OTUD7A: variants seen among roughly 807,000 people sequenced by gnomAD.
OTUD7A encodes OTU domain-containing protein 7A.
In OTUD7A, 12 loss-of-function variants were observed where a neutral mutation model predicts 65.7. That is an observed-to-expected ratio of 0.18 (90% CI 0.12 to 0.30). The LOEUF (loss-of-function observed/expected upper bound fraction) is 0.30. Ranked by LOEUF, OTUD7A falls within the 10% of genes least tolerant of loss-of-function variation. The probability of loss-of-function intolerance (pLI) is 1.00; values close to 1 mark genes in which losing one functional copy is unlikely to be tolerated. For missense variants in OTUD7A, 1,148 were observed against 1,304.8 expected (o/e 0.88, Z 1.85); for synonymous variants, 641 against 586.3 (o/e 1.09, Z -1.35).
Position 31,802,700 on chromosome 15 carries a change from C to T in OTUD7A, c.-100+67807G>A, listed in dbSNP as rs138238296. On this transcript the variant is annotated intron_variant, in intron 1 of 12. Coordinates refer to ENST00000307050, the MANE Select transcript of OTUD7A (RefSeq NM_001382637.1). Reference sequence around the variant, plus strand: ...GTGGGATTAAGAACGCTTTGAGGTACATTTAACATCTCACATCTTTTTTAA... The same window carrying T: ...GTGGGATTAAGAACGCTTTGAGGTATATTTAACATCTCACATCTTTTTTAA... Among the ~76,000 whole-genome samples the T allele has an allele frequency of 6.5e-3, 983 of 152,284 alleles. 12 individuals carry two copies. The highest frequency in any genetic ancestry group is 0.023 in the African/African-American group (951 of 41,544).
Position 31,484,414 on chromosome 15 carries a change from C to A in OTUD7A, c.1682G>T (p.Gly561Val). ...GRANSANGKNGDSAERGKEKK... is the reference protein window; with the variant it reads ...GRANSANGKNVDSAERGKEKK... ...CTCCTTGCCCCGCTCGGCCGAGTCCCCGTTCTTGCCATTGGCGGAGTTGGC... is the reference window on the plus strand; with the variant it reads ...CTCCTTGCCCCGCTCGGCCGAGTCCACGTTCTTGCCATTGGCGGAGTTGGC... The change falls in exon 13 of 13, where the codon GGG (glycine) becomes GTG (valine). Residue 561 changes from glycine to valine, a missense_variant. By Grantham distance (109) the Gly-to-Val change is moderately radical. Transcript: ENST00000307050. The surrounding 1 kb of genome is among the most constrained non-coding windows in gnomAD (Gnocchi z 4.5). 1 of 1,602,202 alleles carries A rather than the reference C, an allele frequency of 6.2e-7. No individual in the cohort carries two copies. Among genetic ancestry groups the A allele is most frequent in the Non-Finnish European group, 8.5e-7 (1 of 1,179,858 alleles).
At chr15:31,846,264 T>C (rs984377813) in intron 1 of OTUD7A, among the ~76,000 whole-genome samples, 2 of 152,174 alleles carry the variant, frequency 1.3e-5, no homozygotes, top group Non-Finnish European at 2.9e-5. Flanking sequence ...TTCCACCAGA[T>C]GGGTAAGTTG....
intron 3 of OTUD7A, among the ~76,000 whole-genome samples, chr15:31,649,360 C>T (rs929350290): frequency 3.3e-5 from 5 of 152,160 alleles, no homozygotes; most frequent in African/African-American, 1.2e-4. Context: ...CTCTTATTGG[C>T]CTCCCTCTGC....
rs117910792 is a variant in OTUD7A at position 31,563,561 on chromosome 15, C to T, written c.332-4374G>A. On this transcript the variant is annotated intron_variant, in intron 4 of 12. Transcript: ENST00000307050. ...CCTGCCTTTCCTCTCCCCAGCATGGCTCCAGCATGGCCTGCCTTCCCTATC... is the reference window on the plus strand; with the variant it reads ...CCTGCCTTTCCTCTCCCCAGCATGGTTCCAGCATGGCCTGCCTTCCCTATC... Among the ~76,000 whole-genome samples, 113 of 152,332 alleles carry T rather than the reference C, an allele frequency of 7.4e-4. 1 individual carries two copies. In the East Asian group the frequency reaches 0.018, roughly 24 times the overall value.
At chr15:31,592,844 C>T (rs569176818) in intron 3 of OTUD7A, among the ~76,000 whole-genome samples, 9 of 125,598 alleles carry the variant, frequency 7.2e-5, no homozygotes, top group East Asian at 7.0e-4. Flanking sequence ...CGTGCCCCTG[C>T]GCTCCAGCCT....
intron 4 of OTUD7A, among the ~76,000 whole-genome samples, chr15:31,559,749 T>C (rs191497108): frequency 6.6e-6 from 1 of 152,096 alleles, no homozygotes; most frequent in Non-Finnish European, 1.5e-5. Flanking sequence ...ATAGATGTAT[T>C]TGCACACACA....
intron 3 of OTUD7A, among the ~76,000 whole-genome samples, chr15:31,590,762 G>A (rs1566933987): frequency 6.6e-6 from 1 of 152,246 alleles, no homozygotes; most frequent in South Asian, 2.1e-4. Context: ...TATGGTAAAA[G>A]CGTTTTCATG....
chr15:31,748,733 T>C (rs762688997), intron 1 of OTUD7A, among the ~76,000 whole-genome samples: 6 of 152,152 alleles, frequency 3.9e-5, no homozygotes, highest in Non-Finnish European at 8.8e-5. Flanking sequence ...TATTACTCAA[T>C]GGAAATACAT....
intron 3 of OTUD7A, among the ~76,000 whole-genome samples, chr15:31,606,642 G>A (rs1270186757): frequency 6.6e-6 from 1 of 152,164 alleles, no homozygotes; most frequent in Non-Finnish European, 1.5e-5. Flanking sequence ...ACACTACAAA[G>A]CTGATGTCAA....
chr15:31,687,936 C>T (rs1892875447), intron 1 of OTUD7A, among the ~76,000 whole-genome samples: 1 of 152,180 alleles, frequency 6.6e-6, no homozygotes, highest in South Asian at 2.1e-4. Context: ...ACTTTACAGG[C>T]TGGACGTGGT....
chr15:31,575,975 G>A (rs1889192168), intron 3 of OTUD7A, among the ~76,000 whole-genome samples: 2 of 152,120 alleles, frequency 1.3e-5, no homozygotes, highest in Admixed American at 1.3e-4. Context: ...CAACTAAAAT[G>A]ATAAAGTACT....
At chr15:31,768,240 G>C (rs1895140536) in intron 1 of OTUD7A, 1 of 883,352 alleles carries the variant, frequency 1.1e-6, no homozygotes, top group Admixed American at 1.7e-5. Context: ...GGCAGTGTAG[G>C]TGACACTCAA....
Position 31,659,791 on chromosome 15 carries a change from G to A in OTUD7A, c.-99-2714C>T, listed in dbSNP as rs181866905. Among the ~76,000 whole-genome samples, 735 of 152,024 alleles carry A rather than the reference G, an allele frequency of 4.8e-3. 5 individuals carry two copies. Among genetic ancestry groups the A allele is most frequent in the Middle Eastern group, 0.01 (3 of 294 alleles). On this transcript the variant is annotated intron_variant, in intron 1 of 12. Coordinates refer to ENST00000307050, the MANE Select transcript of OTUD7A (RefSeq NM_001382637.1). Reference sequence around the variant, plus strand: ...ACAAGTGAGTGGGGAGTGGGAGCTCGCTCTCATCAGGTCTGTTTGATGATA... The same window carrying A: ...ACAAGTGAGTGGGGAGTGGGAGCTCACTCTCATCAGGTCTGTTTGATGATA...
At chr15:31,741,329 T>A (rs560769542) in intron 1 of OTUD7A, among the ~76,000 whole-genome samples, 62 of 152,282 alleles carry the variant, frequency 4.1e-4, no homozygotes, top group East Asian at 1.2e-3. Flanking sequence ...CATAATTTTT[T>A]AAAAAAATTT....
At chr15:31,635,307 C>T (rs1891305870) in intron 3 of OTUD7A, among the ~76,000 whole-genome samples, 1 of 152,218 alleles carries the variant, frequency 6.6e-6, no homozygotes, top group African/African-American at 2.4e-5. Context: ...ACCTACAGGT[C>T]ACCTTGCTCA....
At chr15:31,592,029 A>AC (rs1889740417) in intron 3 of OTUD7A, among the ~76,000 whole-genome samples, 2 of 152,226 alleles carry the variant, frequency 1.3e-5, no homozygotes, top group African/African-American at 4.8e-5. Flanking sequence ...AAAATATGGT[A>AC]TAAAAAATAA....
chr15:31,621,098 G>A (rs1345601205), intron 3 of OTUD7A, among the ~76,000 whole-genome samples: 1 of 151,360 alleles, frequency 6.6e-6, no homozygotes, highest in Non-Finnish European at 1.5e-5. Flanking sequence ...TCTTAGTCCT[G>A]AGTACTAGTT....
intron 5 of OTUD7A, among the ~76,000 whole-genome samples, chr15:31,537,050 AT>A (rs1336745661): frequency 1.3e-5 from 2 of 152,214 alleles, no homozygotes; most frequent in African/African-American, 4.8e-5. Flanking sequence ...ACAAATAAAA[AT>A]ATCTAATTTT....
intron 1 of OTUD7A, among the ~76,000 whole-genome samples, chr15:31,746,792 G>A (rs923542994): frequency 3.3e-5 from 5 of 152,126 alleles, no homozygotes; most frequent in African/African-American, 2.4e-5. Flanking sequence ...CACCAGGCCC[G>A]GCCTACCTGA....
Sources: allele counts gnomAD v4.1 joint callset (sites outside exome capture counted in the v4.1 genomes callset), GRCh38; gene constraint gnomAD v4.1.1; non-coding constraint Gnocchi (gnomAD v3.1); transcripts MANE v1.5; gene names NCBI Gene and HGNC (gene_info 2026-07-23, HGNC 2026-07-21).